Variants in SOX6 observed in about 807,000 individuals in gnomAD.
SOX6 encodes transcription factor SOX-6.
A neutral mutation model predicts 97.8 loss-of-function variants in SOX6; 11 were observed. The observed-to-expected ratio is 0.11, with a 90% CI of 0.07 to 0.19. SOX6 has a LOEUF of 0.19. SOX6 is among the 10% of genes least tolerant of loss of function. The probability of loss-of-function intolerance (pLI) is 1.00; values close to 1 mark genes in which losing one functional copy is unlikely to be tolerated. For missense variants in SOX6, 810 were observed against 1,039.5 expected, an observed-to-expected ratio of 0.78 and a Z score of 3.04; for synonymous variants, 360 against 371.4, an observed-to-expected ratio of 0.97 and a Z score of 0.35.
chr11:16,304,444 C>G (rs1024240829), intron 3 of SOX6, among the ~76,000 whole-genome samples: 9 of 152,216 alleles, frequency 5.9e-5, no homozygotes, highest in Admixed American at 5.2e-4. Flanking sequence ...AATGCAGCAA[C>G]AAGGCACTAT....
chr11:16,247,711 A>T (rs972825060), intron 3 of SOX6, among the ~76,000 whole-genome samples: 1 of 152,148 alleles, frequency 6.6e-6, no homozygotes, highest in Non-Finnish European at 1.5e-5. Flanking sequence ...CTTCCATGAC[A>T]CATGGGGACT....
At chr11:16,138,416 T>C (rs1850031170) in intron 6 of SOX6, among the ~76,000 whole-genome samples, 1 of 152,176 alleles carries the variant, frequency 6.6e-6, no homozygotes, top group Admixed American at 6.5e-5. Context: ...ATATCCTTTA[T>C]AGCAATAAGA....
chr11:16,562,020 C>G (rs1847821010), intron 4 of SOX6, among the ~76,000 whole-genome samples: 1 of 152,110 alleles, frequency 6.6e-6, no homozygotes, highest in Non-Finnish European at 1.5e-5. Flanking sequence ...AAACATGGTG[C>G]CCAGCCCCTT....
chr11:16,665,037 TCAG>T (rs968651568), intron 3 of SOX6, among the ~76,000 whole-genome samples: 27 of 151,670 alleles, frequency 1.8e-4, no homozygotes, highest in African/African-American at 6.5e-4. Flanking sequence ...GCCTGAATAA[TCAG>T]CAGGGGTAAC....
intron 1 of SOX6, among the ~76,000 whole-genome samples, chr11:16,375,583 A>G (rs1033075682): frequency 2.0e-5 from 3 of 152,120 alleles, no homozygotes; most frequent in African/African-American, 7.2e-5. Flanking sequence ...TGTGGTGAAT[A>G]TTATTTGGTG....
At chr11:16,106,664 C>A (rs1035175483) in intron 7 of SOX6, among the ~76,000 whole-genome samples, 2 of 151,944 alleles carry the variant, frequency 1.3e-5, no homozygotes, top group Non-Finnish European at 2.9e-5. Flanking sequence ...AGTGGTAAAT[C>A]TTTATGACAT....
At chr11:16,104,207 G>C (rs1849018182) in intron 7 of SOX6, among the ~76,000 whole-genome samples, 1 of 151,880 alleles carries the variant, frequency 6.6e-6, no homozygotes, top group African/African-American at 2.4e-5. Context: ...GAAATGCTTT[G>C]ATTCTGAGTA....
At chr11:16,721,500 G>GTCTCTCTCTCTCTC (rs763713850) in intron 2 of SOX6, among the ~76,000 whole-genome samples, 1 of 28,670 alleles carries the variant, frequency 3.5e-5, no homozygotes, top group Non-Finnish European at 6.3e-5. Flanking sequence ...GGTCTTTTCT[G>GTCTCTCTCTCTCTC]TCTCTCTCTC....
chr11:16,073,354 G>A (rs1384237917), intron 9 of SOX6, among the ~76,000 whole-genome samples: 2 of 151,902 alleles, frequency 1.3e-5, no homozygotes, highest in Non-Finnish European at 2.9e-5. Context: ...GACAAAGGAA[G>A]GCATTACATA....
intron 4 of SOX6, among the ~76,000 whole-genome samples, chr11:16,544,276 T>C (rs1418877897): frequency 6.6e-6 from 1 of 152,164 alleles, no homozygotes; most frequent in Non-Finnish European, 1.5e-5. Flanking sequence ...TTTTGTTTTC[T>C]GGAGACAGGG....
chr11:16,556,347 C>A (rs1163905612), intron 4 of SOX6, among the ~76,000 whole-genome samples: 1 of 151,648 alleles, frequency 6.6e-6, no homozygotes, highest in East Asian at 1.9e-4. Flanking sequence ...ATTATATGTT[C>A]ATAAAACTAC....
At chr11:16,567,877 A>ATT (rs144410415) in intron 4 of SOX6, among the ~76,000 whole-genome samples, 1 of 141,682 alleles carries the variant, frequency 7.1e-6, no homozygotes. Flanking sequence ...ACCTGGCCAT[A>ATT]TTTTTTTTTT....
At chr11:16,495,789 T>C (rs1423261287) in intron 4 of SOX6, among the ~76,000 whole-genome samples, 3 of 152,004 alleles carry the variant, frequency 2.0e-5, no homozygotes, top group Non-Finnish European at 4.4e-5. Context: ...CCCACCTAGA[T>C]CCACTAACAC....
At chr11:16,502,197 C>A (rs76197805) in intron 4 of SOX6, among the ~76,000 whole-genome samples, 26,138 of 151,994 alleles carry the variant, frequency 0.17, 2,273 homozygotes, top group African/African-American at 0.19. Context: ...TCATTCTCAG[C>A]AAACTACTGC....
intron 3 of SOX6, among the ~76,000 whole-genome samples, chr11:16,297,313 C>T (rs983186615): frequency 3.3e-5 from 5 of 152,046 alleles, no homozygotes; most frequent in Admixed American, 3.3e-4. Flanking sequence ...TAAATTACAA[C>T]ATAAATGCAC....
At chr11:16,067,968 C>T (rs969394016) in intron 9 of SOX6, among the ~76,000 whole-genome samples, 1 of 152,178 alleles carries the variant, frequency 6.6e-6, no homozygotes, top group African/African-American at 2.4e-5. Context: ...TTATATTTAT[C>T]CCCATTTGCT....
At chr11:16,301,876 G>A (rs1289784748) in intron 3 of SOX6, among the ~76,000 whole-genome samples, 1 of 152,076 alleles carries the variant, frequency 6.6e-6, no homozygotes, top group African/African-American at 2.4e-5. Context: ...CTGCCTGCTA[G>A]ATGTATTCCA....
rs1848354251 is a variant in SOX6 at position 16,607,899 on chromosome 11, A to C, written n.609+4182T>G. ...GGAGGGAGGAGGGCGGGCCGGGGGAAGAAGGAGGGGAGAGCGGGAGGCAAA... is the reference window on the plus strand; with the variant it reads ...GGAGGGAGGAGGGCGGGCCGGGGGACGAAGGAGGGGAGAGCGGGAGGCAAA... On this transcript the variant is annotated intron_variant and non_coding_transcript_variant, in intron 4 of 5. Transcript: ENST00000524520. This position sits in a 1 kb window ranked among gnomAD's most constrained non-coding sequence, Gnocchi z 6.5. Among the ~76,000 whole-genome samples the C allele has an allele frequency of 6.6e-6, 1 of 151,848 alleles. No individual in the cohort carries two copies. Among genetic ancestry groups the C allele is most frequent in the Non-Finnish European group, 1.5e-5 (1 of 67,938 alleles).
chr11:16,577,071 G>A (rs1295268474), intron 4 of SOX6: 2 of 152,100 alleles, frequency 1.3e-5, no homozygotes, highest in Non-Finnish European at 2.9e-5. Flanking sequence ...CAGAACTCCC[G>A]TGCTGATCAA....
Sources: gnomAD v4.1 joint callset for allele counts (sites outside exome capture counted in the v4.1 genomes callset) on GRCh38, gnomAD v4.1.1 for gene constraint, Gnocchi (gnomAD v3.1) non-coding constraint, MANE v1.5 for transcripts, NCBI Gene and HGNC (gene_info 2026-07-23, HGNC 2026-07-21) for gene names.